HBP1: variants seen among roughly 807,000 people sequenced by gnomAD.
The protein encoded by HBP1 is HMG box-containing protein 1.
In HBP1, 20 loss-of-function variants were observed where a neutral mutation model predicts 62.6. That is an observed-to-expected ratio of 0.32 (90% CI 0.22 to 0.46). HBP1 has a LOEUF of 0.46. Ranked by LOEUF, HBP1 falls within the 20% of genes least tolerant of loss-of-function variation. The probability of loss-of-function intolerance (pLI) is 1.00; values close to 1 mark genes in which losing one functional copy is unlikely to be tolerated. For synonymous variants in HBP1, 232 were observed against 206.2 expected, an observed-to-expected ratio of 1.12 and a Z score of -1.07; for missense variants, 480 against 611.8, an observed-to-expected ratio of 0.78 and a Z score of 2.27.
At chr7:107,187,905 C>G (rs1797469843) in intron 6 of HBP1, among the ~76,000 whole-genome samples, 1 of 152,174 alleles carries the variant, frequency 6.6e-6, no homozygotes, top group Non-Finnish European at 1.5e-5. Flanking sequence ...ATTTTGCCCC[C>G]TTCACTTTCT....
In HBP1 at chr7:107,182,455, A is replaced by C. The variant is rs368326211; in HGVS notation, c.252A>C (p.Gln84His). ...MYQLSSDVSH[Q>H]EYPRSSWNQN... ...AGCTGAGTTCAGATGTTTCACATCA[A>C]GAATACCCAAGATCATCTTGGAACC... The change falls in exon 3 of 11, where the codon CAA becomes CAC. Residue 84 changes from glutamine to histidine, a missense_variant. Around this residue, in one of 4 missense-constraint regions of HBP1, gnomAD observed 304 missense variants for 330.9 expected, o/e 0.92. Coordinates refer to ENST00000222574, the MANE Select transcript of HBP1 (RefSeq NM_012257.4). 1 of 1,613,280 alleles carries C rather than the reference A, an allele frequency of 6.2e-7. No individual in the cohort carries two copies. The highest frequency in any genetic ancestry group is 8.5e-7 in the Non-Finnish European group (1 of 1,179,224).
At chr7:107,185,298 T>C (rs1364892978) in intron 3 of HBP1, among the ~76,000 whole-genome samples, 2 of 152,210 alleles carry the variant, frequency 1.3e-5, no homozygotes, top group African/African-American at 4.8e-5. Flanking sequence ...GGCTGCTCTC[T>C]GCTATAAAAA....
intron 1 of HBP1, among the ~76,000 whole-genome samples, chr7:107,171,075 T>TATATATA (rs1331160955): frequency 8.2e-5 from 6 of 73,522 alleles, no homozygotes; most frequent in Non-Finnish European, 1.3e-4. Context: ...ATATATATAT[T>TATATATA]TTTTTTTTTT....
intron 3 of HBP1, 54 bp from the exon 4 acceptor site, chr7:107,185,747 A>T: frequency 7.0e-7 from 1 of 1,429,556 alleles, no homozygotes; most frequent in Non-Finnish European, 9.7e-7. Context: ...CATTAATAGG[A>T]AAGATCTACT....
chr7:107,176,811 A>C (rs1213960919), intron 1 of HBP1, among the ~76,000 whole-genome samples: 1 of 151,320 alleles, frequency 6.6e-6, no homozygotes. Flanking sequence ...TCTGTGGGGG[A>C]AATTGTTATA....
At position 107,186,594 on chromosome 7, in the gene HBP1, A is replaced by AAGC. The variant is rs761334134; in HGVS notation, c.680_682dup (p.Ser227dup). 3 of 1,613,484 alleles carry AAGC rather than the reference A, an allele frequency of 1.9e-6. No homozygotes were observed. Among genetic ancestry groups the AAGC allele is most frequent in the Non-Finnish European group, 2.5e-6 (3 of 1,179,424 alleles). ...GCACACGACTGTGCTTTCATAAGGG[A>AAGC]AGCAATAAGGAATGGCAAGATGTTG... is the stretch of plus-strand genomic sequence containing the variant. On this transcript the variant is annotated inframe_insertion, in exon 6 of 11. Coordinates refer to ENST00000222574, the MANE Select transcript of HBP1 (RefSeq NM_012257.4).
chr7:107,171,805 A>C (rs1405848482), intron 1 of HBP1, among the ~76,000 whole-genome samples: 2 of 150,278 alleles, frequency 1.3e-5, no homozygotes, highest in Admixed American at 6.7e-5. Context: ...GATTGCAGTG[A>C]GACAAGATCA....
intron 3 of HBP1, 34 bp downstream of exon 3, chr7:107,182,635 T>C (rs772444848): frequency 7.0e-6 from 8 of 1,137,932 alleles, no homozygotes; most frequent in South Asian, 2.6e-5. Context: ...ATTGAAACAT[T>C]CTATCATTAC....
chr7:107,200,519 C>G, intron 10 of HBP1: 1 of 376,616 alleles, frequency 2.7e-6, no homozygotes, highest in Non-Finnish European at 4.7e-6. Flanking sequence ...AAATCTCAGG[C>G]AAACTTCAAA....
chr7:107,198,075 G>GTATT (rs1242803071), intron 9 of HBP1, among the ~76,000 whole-genome samples: 2 of 152,146 alleles, frequency 1.3e-5, no homozygotes, highest in African/African-American at 4.8e-5. Flanking sequence ...GATGCATTCT[G>GTATT]TATTTATTTC....
chr7:107,182,465 A>C lies in HBP1; in HGVS notation c.262A>C (p.Arg88=), dbSNP rs745587590. 2 of 1,612,956 alleles carry C rather than the reference A, an allele frequency of 1.2e-6. No homozygotes were observed. The highest frequency in any genetic ancestry group is 1.7e-6 in the Non-Finnish European group (2 of 1,178,914). Residue 88 remains arginine, a synonymous_variant, in exon 3 of 11, where the codon AGA becomes CGA. Coordinates refer to ENST00000222574, the MANE Select transcript of HBP1 (RefSeq NM_012257.4). ...AGATGTTTCACATCAAGAATACCCA[A>C]GATCATCTTGGAACCAAAATACCTC... ...SSDVSHQEYP[R]SSWNQNTSDI... is the part of the protein sequence containing the mutation.
At chr7:107,174,584 T>A in intron 1 of HBP1, 1 of 985,364 alleles carries the variant, frequency 1.0e-6, no homozygotes, top group Non-Finnish European at 1.2e-6. Context: ...AAGTTCTAGC[T>A]GGAAAGAATG....
chr7:107,169,789 TC>T (rs1368903666), intron 1 of HBP1: 1 of 978,170 alleles, frequency 1.0e-6, no homozygotes, highest in Non-Finnish European at 1.2e-6. Context: ...AAGCCCGGAG[TC>T]CGGGCTGCGG....
chr7:107,185,351 T>G (rs1193257693), intron 3 of HBP1, among the ~76,000 whole-genome samples: 18 of 152,138 alleles, frequency 1.2e-4, no homozygotes. Flanking sequence ...ATCTGCCCAG[T>G]GATATGTGGT....
intron 1 of HBP1, among the ~76,000 whole-genome samples, chr7:107,171,648 G>A (rs1205316757): frequency 6.6e-6 from 1 of 151,992 alleles, no homozygotes; most frequent in Non-Finnish European, 1.5e-5. Flanking sequence ...TGGATCACCT[G>A]AGGTCAGGGG....
At chr7:107,190,345 T>G (rs1298363745) in intron 8 of HBP1, 28 bp downstream of exon 8, 1 of 1,541,102 alleles carries the variant, frequency 6.5e-7, no homozygotes. Flanking sequence ...CTTTGTTTTA[T>G]TTTCCTCTTA....
At chr7:107,179,815 A>T in intron 1 of HBP1, 64 bp from the exon 2 acceptor site, 3 of 971,518 alleles carry the variant, frequency 3.1e-6, no homozygotes, top group Non-Finnish European at 4.6e-6. Flanking sequence ...GATTTATTTT[A>T]GGTTTGTGTA....
chr7:107,182,548 A>G lies in HBP1; in HGVS notation c.345A>G (p.Ala115=). The change falls in exon 3 of 11, where the codon GCA becomes GCG. Residue 115 remains alanine (A), a synonymous_variant. Coordinates refer to ENST00000222574, the MANE Select transcript of HBP1 (RefSeq NM_012257.4). ...ENEVDWLTEL[A]NIATSPQSPL... is the part of the protein sequence containing the mutation. ...AGGTGGACTGGCTAACAGAATTGGC[A>G]AATATCGCGACCAGTCCACAAAGTC... 3 of 1,613,480 alleles carry G rather than the reference A, an allele frequency of 1.9e-6. No individual in the cohort carries two copies. Among genetic ancestry groups the G allele is most frequent in the Non-Finnish European group, 2.5e-6 (3 of 1,179,440 alleles).
Position 107,201,627 on chromosome 7 carries a change from C to T in HBP1, c.*196C>T. ...CATTAGAGCATTAAGCTAAAACTAT[C>T]AACATTTTAAACCAAATTGCCTTAT... On this transcript the variant is annotated 3_prime_UTR_variant, in exon 11 of 11. Coordinates refer to ENST00000222574, the MANE Select transcript of HBP1 (RefSeq NM_012257.4). 2.3e-6 allele frequency: 1 copy of T among 432,902 alleles called. No individual in the cohort carries two copies. Among genetic ancestry groups the T allele is most frequent in the Non-Finnish European group, 4.2e-6 (1 of 239,226 alleles). 26.8% of individuals were successfully genotyped at this position (432,902 alleles called of 1,614,324 possible).
Sources: gnomAD v4.1 joint callset for allele counts (sites outside exome capture counted in the v4.1 genomes callset) on GRCh38, gnomAD v4.1.1 for gene constraint, gnomAD v4.1.1 regional missense constraint, MANE v1.5 for transcripts, NCBI Gene and HGNC (gene_info 2026-07-23, HGNC 2026-07-21) for gene names.